Variants in SCUBE1 observed in about 807,000 individuals in gnomAD.
SCUBE1 encodes the protein signal peptide, CUB domain and EGF like domain containing 1, also known as signal peptide, CUB and EGF-like domain-containing protein 1.
In SCUBE1, 59 loss-of-function variants were observed where a neutral mutation model predicts 124.4. The observed-to-expected ratio is 0.47, with a 90% CI of 0.38 to 0.59. The LOEUF (loss-of-function observed/expected upper bound fraction) is 0.59. SCUBE1 is among the 20% of genes least tolerant of loss of function. The probability of loss-of-function intolerance (pLI) is 0.00; values close to 1 mark genes in which losing one functional copy is unlikely to be tolerated. For synonymous variants in SCUBE1, 545 were observed against 550.9 expected (o/e 0.99, Z 0.15); for missense variants, 1,150 against 1,371.2 (o/e 0.84, Z 2.55).
At chr22:43,228,292 T>C (rs1487640014) in intron 9 of SCUBE1, among the ~76,000 whole-genome samples, 1 of 152,006 alleles carries the variant, frequency 6.6e-6, no homozygotes, top group African/African-American at 2.4e-5. Context: ...CCTAAATACA[T>C]CTAGAATCTT....
chr22:43,247,649 G>A (rs1194020123), intron 6 of SCUBE1, among the ~76,000 whole-genome samples: 6 of 152,214 alleles, frequency 3.9e-5, no homozygotes, highest in Non-Finnish European at 5.9e-5. Context: ...CACCTGGCCC[G>A]CCCTTAGCTG....
chr22:43,220,678 G>T, intron 13 of SCUBE1, 91 bp from the exon 14 acceptor site: 1 of 1,495,006 alleles, frequency 6.7e-7, no homozygotes, highest in African/African-American at 1.4e-5. Flanking sequence ...CATTGGCAAG[G>T]ACTTCCTGGT....
intron 3 of SCUBE1, chr22:43,318,194 T>C (rs146003551): frequency 6.6e-5 from 10 of 152,164 alleles, no homozygotes; most frequent in Admixed American, 2.6e-4. Flanking sequence ...ACTAGAAAAA[T>C]AGTGGTAACA....
chr22:43,299,856 T>C (rs958774409), intron 3 of SCUBE1, among the ~76,000 whole-genome samples: 2 of 152,202 alleles, frequency 1.3e-5, no homozygotes, highest in Non-Finnish European at 2.9e-5. Flanking sequence ...ATTCTGGACA[T>C]TTCATGTAAA....
chr22:43,314,696 C>CA (rs1159091248), intron 3 of SCUBE1, among the ~76,000 whole-genome samples: 2 of 152,056 alleles, frequency 1.3e-5, no homozygotes, highest in African/African-American at 4.8e-5. Context: ...TGCACATTTG[C>CA]ATTAGGGTGT....
At chr22:43,213,998 C>G in intron 16 of SCUBE1, 92 bp downstream of exon 16, 1 of 1,258,924 alleles carries the variant, frequency 7.9e-7, no homozygotes, top group Non-Finnish European at 1.1e-6. Context: ...CCACACCAGG[C>G]ACCTGGGCCT....
chr22:43,208,777 G>A lies in SCUBE1; in HGVS notation c.2582-553C>T, dbSNP rs527489521. On this transcript the variant is annotated intron_variant, in intron 19 of 21. Coordinates refer to ENST00000360835, the MANE Select transcript of SCUBE1 (RefSeq NM_173050.5). ...TCAGGAGCCGAGTGCGGCAGCGTGGGTACAGCATGTGACCGGCAGGTGAAT... is the reference window on the plus strand; with the variant it reads ...TCAGGAGCCGAGTGCGGCAGCGTGGATACAGCATGTGACCGGCAGGTGAAT... Among the ~76,000 whole-genome samples, 4 of 152,336 alleles carry A rather than the reference G, an allele frequency of 2.6e-5. No individual in the cohort carries two copies. The East Asian group carries it at 7.7e-4, about 29-fold the overall frequency.
chr22:43,328,947 G>C (rs1475597017), intron 2 of SCUBE1, among the ~76,000 whole-genome samples: 1 of 152,204 alleles, frequency 6.6e-6, no homozygotes, highest in East Asian at 1.9e-4. Flanking sequence ...CTAGAAGGTG[G>C]TGAAGGCAAC....
intron 3 of SCUBE1, among the ~76,000 whole-genome samples, chr22:43,293,662 T>C (rs1174446796): frequency 2.6e-5 from 4 of 152,236 alleles, no homozygotes; most frequent in Non-Finnish European, 4.4e-5. Flanking sequence ...CACTTAACAA[T>C]GGGACCTGGA....
At chr22:43,274,954 C>T (rs895550373) in intron 4 of SCUBE1, among the ~76,000 whole-genome samples, 1 of 152,330 alleles carries the variant, frequency 6.6e-6, no homozygotes, top group East Asian at 1.9e-4. Flanking sequence ...CAGGTACAGC[C>T]ACTTTGGGGA....
chr22:43,279,502 GCAGCCCTCAC>G (rs1322078280), intron 4 of SCUBE1, among the ~76,000 whole-genome samples: 1 of 152,212 alleles, frequency 6.6e-6, no homozygotes, highest in African/African-American at 2.4e-5. Context: ...CCCTATTGCG[GCAGCCCTCAC>G]CAGACAGTGA....
intron 3 of SCUBE1, among the ~76,000 whole-genome samples, chr22:43,305,443 C>T (rs1042642709): frequency 4.6e-5 from 7 of 151,970 alleles, no homozygotes; most frequent in East Asian, 1.9e-4. Context: ...TCCCTCTGCC[C>T]GGGGGGCTGG....
At chr22:43,241,846 G>A (rs1248617542) in intron 6 of SCUBE1, among the ~76,000 whole-genome samples, 1 of 152,246 alleles carries the variant, frequency 6.6e-6, no homozygotes, top group East Asian at 1.9e-4. Flanking sequence ...AGCGCTGGGA[G>A]CCAGCAGTCC....
chr22:43,336,315 CAAGAT>C (rs1202622573), intron 2 of SCUBE1, among the ~76,000 whole-genome samples: 1 of 152,112 alleles, frequency 6.6e-6, no homozygotes, highest in African/African-American at 2.4e-5. Context: ...TGCACAGGGT[CAAGAT>C]GACACCAGGG....
chr22:43,342,985 GC>G (rs1190999470), intron 1 of SCUBE1, among the ~76,000 whole-genome samples, 188 bp downstream of exon 1: 5 of 150,190 alleles, frequency 3.3e-5, no homozygotes, highest in Non-Finnish European at 7.4e-5. Context: ...GGACTCAGGA[GC>G]CCCGGCCGCC....
chr22:43,327,574 G>C (rs1926768356), intron 2 of SCUBE1, among the ~76,000 whole-genome samples: 6 of 152,052 alleles, frequency 3.9e-5, no homozygotes, highest in Admixed American at 3.9e-4. Flanking sequence ...ATCACCTGAG[G>C]TCAGGAGTTC....
intron 16 of SCUBE1, 44 bp downstream of exon 16, chr22:43,214,046 C>CCCGGG: frequency 4.7e-6 from 2 of 422,700 alleles, no homozygotes; most frequent in Non-Finnish European, 8.3e-6. Flanking sequence ...GAGGAGCCCC[C>CCCGGG]GCCCACCCCC....
rs1921598902 is a variant in SCUBE1, at chr22:43,212,323, G to C, written c.2221+102C>G. 9.1e-6 allele frequency: 12 copies of C among 1,317,634 alleles called. No individual in the cohort carries two copies. The South Asian group carries it at 1.6e-4, about 17-fold the overall frequency. The allele number at this position is 1,317,634 out of a possible 1,614,324, so 81.6% of individuals were successfully genotyped here. A position where few individuals can be genotyped will look rare whatever the true frequency, so the allele number is the denominator to read the frequency against. On this transcript the variant is annotated intron_variant, in intron 17 of 21. Coordinates refer to ENST00000360835, the MANE Select transcript of SCUBE1 (RefSeq NM_173050.5). The stretch of plus-strand genomic sequence containing the variant: ...CCAGGCTCCTCCTCTGAGCTGGGAG[G>C]TTCGCCACATGGAGGAGATGAGAGG...
intron 3 of SCUBE1, among the ~76,000 whole-genome samples, chr22:43,302,960 T>G (rs928986553): frequency 6.6e-6 from 1 of 152,166 alleles, no homozygotes; most frequent in African/African-American, 2.4e-5. Context: ...CCCACTCCTG[T>G]TGAAAAACAA....
Sources: gnomAD v4.1 joint callset for allele counts (sites outside exome capture counted in the v4.1 genomes callset) on GRCh38, gnomAD v4.1.1 for gene constraint, MANE v1.5 for transcripts, NCBI Gene and HGNC (gene_info 2026-07-23, HGNC 2026-07-21) for gene names.